Variants in COP1 observed in about 807,000 individuals in gnomAD.
The protein encoded by COP1 is COP1 E3 ubiquitin ligase, also known as E3 ubiquitin-protein ligase COP1.
In COP1, 24 loss-of-function variants were observed where a neutral mutation model predicts 101.3. The ratio of observed to expected loss-of-function variants is 0.24; its 90% confidence interval spans 0.17 to 0.33. The LOEUF (loss-of-function observed/expected upper bound fraction) is 0.33, where lower values mean the gene tolerates loss of function less well. Ranked by LOEUF, COP1 falls within the 10% of genes least tolerant of loss-of-function variation. The pLI, the probability that COP1 is intolerant of heterozygous loss-of-function variation, is 1.00. For missense variants in COP1, 663 were observed against 906.2 expected, an observed-to-expected ratio of 0.73 and a Z score of 3.45; for synonymous variants, 347 against 341.9, an observed-to-expected ratio of 1.01 and a Z score of -0.17.
intron 11 of COP1, among the ~76,000 whole-genome samples, chr1:176,077,127 A>T (rs542741110): frequency 6.6e-6 from 1 of 152,262 alleles, no homozygotes; most frequent in Non-Finnish European, 1.5e-5. Context: ...TATTCTATGA[A>T]TCCAGCATCA....
At chr1:176,137,622 A>C (rs1221405831) in intron 6 of COP1, among the ~76,000 whole-genome samples, 1 of 152,180 alleles carries the variant, frequency 6.6e-6, no homozygotes, top group African/African-American at 2.4e-5. Flanking sequence ...TCATTCTGTA[A>C]GTGGCAGAAC....
intron 1 of COP1, 77 bp downstream of exon 1, chr1:176,206,495 C>A (rs1183488224): frequency 1.6e-5 from 25 of 1,553,488 alleles, no homozygotes; most frequent in Non-Finnish European, 2.0e-5. Context: ...CACCCCCACA[C>A]CAGACCCCCC....
At chr1:176,206,205 T>C (rs1199569469) in intron 1 of COP1, 1 of 258,546 alleles carries the variant, frequency 3.9e-6, no homozygotes, top group South Asian at 4.4e-5. Context: ...ATTGACTGAG[T>C]GTTCAATTCA....
intron 18 of COP1, among the ~76,000 whole-genome samples, chr1:175,978,831 C>T (rs996836761): frequency 1.6e-4 from 24 of 152,044 alleles, no homozygotes; most frequent in Admixed American, 1.6e-3. Context: ...TTGTCTTCTC[C>T]GCACTCATTG....
intron 1 of COP1, among the ~76,000 whole-genome samples, chr1:176,196,670 A>G (rs1003944464): frequency 3.3e-5 from 5 of 152,208 alleles, no homozygotes; most frequent in Non-Finnish European, 5.9e-5. Flanking sequence ...AGTTCCACCA[A>G]CCACTTAAGG....
At position 176,073,215 on chromosome 1, in the gene COP1, G is replaced by A. The variant is rs148184760; in HGVS notation, c.1277+7937C>T. ...ATTGATGTAAAATATTTATGATGTTGTCTAAAAATGAGTAGGTAACACACT... is the reference window on the plus strand; with the variant it reads ...ATTGATGTAAAATATTTATGATGTTATCTAAAAATGAGTAGGTAACACACT... On this transcript the variant is annotated intron_variant, in intron 11 of 19. Transcript: ENST00000367669. 2.6e-3 allele frequency among the ~76,000 whole-genome samples: 398 copies of A among 152,212 alleles called. 3 individuals are homozygous for A. Among genetic ancestry groups the A allele is most frequent in the African/African-American group, 9.1e-3 (380 of 41,556 alleles).
At chr1:176,172,606 T>C (rs916396567) in intron 3 of COP1, among the ~76,000 whole-genome samples, 21 of 152,218 alleles carry the variant, frequency 1.4e-4, no homozygotes, top group Non-Finnish European at 2.5e-4. Flanking sequence ...TCCATTACTT[T>C]ACCAGGCTAA....
chr1:176,127,472 T>C (rs546167577), intron 8 of COP1, among the ~76,000 whole-genome samples: 11 of 152,250 alleles, frequency 7.2e-5, no homozygotes, highest in Admixed American at 2.0e-4. Context: ...GCCTGTCTTA[T>C]TTCACTTAAC....
intron 7 of COP1, 86 bp from the exon 8 acceptor site, chr1:176,135,172 T>G: frequency 1.2e-6 from 1 of 856,838 alleles, no homozygotes; most frequent in Non-Finnish European, 1.8e-6. Flanking sequence ...TTCCTTTCTA[T>G]TCCCAGGTTT....
intron 3 of COP1, among the ~76,000 whole-genome samples, chr1:176,173,287 G>T (rs1030908473): frequency 6.9e-6 from 1 of 144,374 alleles, no homozygotes; most frequent in African/African-American, 2.5e-5. Flanking sequence ...CTCCAGCCTG[G>T]GTGACAGTGC....
chr1:175,983,382 A>G (rs1244103682), intron 18 of COP1, among the ~76,000 whole-genome samples: 2 of 152,302 alleles, frequency 1.3e-5, no homozygotes, highest in East Asian at 3.9e-4. Flanking sequence ...GATTCCCTGT[A>G]CAAGTTTTCT....
At chr1:176,199,211 G>A (rs1700026498) in intron 1 of COP1, among the ~76,000 whole-genome samples, 1 of 152,070 alleles carries the variant, frequency 6.6e-6, no homozygotes. Context: ...TAGCTACTCG[G>A]GAGGTTAAGG....
At chr1:176,206,541 G>A (rs1227917982) in intron 1 of COP1, 31 bp downstream of exon 1, 1 of 1,592,134 alleles carries the variant, frequency 6.3e-7, no homozygotes, top group African/African-American at 1.3e-5. Context: ...TCATAATTTA[G>A]GGACAAGGAG....
Position 176,068,931 on chromosome 1 carries a change from A to G in COP1, c.1277+12221T>C, listed in dbSNP as rs1676490361. ...CTTCTGCAAGGAATTACAAAACTGT[A>G]ATCCCCATACTTTGGGAGGCCAAGG... On this transcript the variant is annotated intron_variant, in intron 11 of 19. Transcript: ENST00000367669. Among the ~76,000 whole-genome samples the G allele has an allele frequency of 2.0e-5, 3 of 152,360 alleles. No homozygotes were observed. In the South Asian group the frequency reaches 6.2e-4, roughly 32 times the overall value.
intron 15 of COP1, among the ~76,000 whole-genome samples, chr1:175,992,469 G>C (rs1658821571): frequency 6.6e-6 from 1 of 152,206 alleles, no homozygotes; most frequent in African/African-American, 2.4e-5. Flanking sequence ...AAGCGCAAGG[G>C]GTCAGGGAGT....
chr1:176,204,705 C>T (rs1700644281), intron 1 of COP1, among the ~76,000 whole-genome samples: 1 of 152,318 alleles, frequency 6.6e-6, no homozygotes, highest in East Asian at 1.9e-4. Context: ...GAGCAGATCA[C>T]CTGAGGTCAG....
intron 11 of COP1, among the ~76,000 whole-genome samples, chr1:176,072,757 T>C (rs1677233058): frequency 1.3e-5 from 2 of 151,984 alleles, no homozygotes. Flanking sequence ...TTAGCAAAAA[T>C]GATCCTTGTA....
At chr1:176,067,122 C>T (rs1676130896) in intron 11 of COP1, among the ~76,000 whole-genome samples, 1 of 151,970 alleles carries the variant, frequency 6.6e-6, no homozygotes, top group South Asian at 2.1e-4. Context: ...ATATATTAGT[C>T]CAAACCCATA....
chr1:175,987,148 G>C lies in COP1; in HGVS notation c.1973-45C>G, dbSNP rs560261862. 3 of 1,075,004 alleles carry C rather than the reference G, an allele frequency of 2.8e-6. No individual in the cohort carries two copies. In the African/African-American group the frequency reaches 4.8e-5, roughly 17 times the overall value. 66.6% of individuals were successfully genotyped at this position (1,075,004 alleles called of 1,614,324 possible). On this transcript the variant is annotated intron_variant, in intron 17 of 19. Coordinates refer to ENST00000367669, the MANE Select transcript of COP1 (RefSeq NM_022457.7). Reference sequence around the variant, plus strand: ...ATAGTATTTTAGAATAGAAAAACTCGGAATTAGGACATCACAGTCTAATAG... The same window carrying C: ...ATAGTATTTTAGAATAGAAAAACTCCGAATTAGGACATCACAGTCTAATAG...
Sources: allele counts gnomAD v4.1 joint callset (sites outside exome capture counted in the v4.1 genomes callset), GRCh38; gene constraint gnomAD v4.1.1; transcripts MANE v1.5; gene names NCBI Gene and HGNC (gene_info 2026-07-23, HGNC 2026-07-21).